PARN: variants seen among roughly 807,000 people sequenced by gnomAD.
PARN encodes poly(A)-specific ribonuclease, also known as poly(A)-specific ribonuclease PARN.
In PARN, 71 loss-of-function variants were observed where a neutral mutation model predicts 102.8. The observed-to-expected ratio is 0.69, with a 90% CI of 0.57 to 0.84. The LOEUF is 0.84. Ranked by LOEUF, PARN falls within the 40% of genes least tolerant of loss-of-function variation. PARN has a pLI of 0.00. For synonymous variants in PARN, 261 were observed against 252.9 expected (o/e 1.03, Z -0.30); for missense variants, 782 against 760.9 (o/e 1.03, Z -0.33).
intron 5 of PARN, among the ~76,000 whole-genome samples, chr16:14,618,061 C>T (rs1208175504): frequency 1.3e-5 from 2 of 152,134 alleles, no homozygotes; most frequent in African/African-American, 4.8e-5. Context: ...GTGGCTCATG[C>T]CTGTAATCCC....
intron 21 of PARN, among the ~76,000 whole-genome samples, chr16:14,537,297 T>G (rs914605351): frequency 6.6e-6 from 1 of 152,126 alleles, no homozygotes; most frequent in Admixed American, 6.5e-5. Context: ...TAACACAGAC[T>G]GGCGATGATG....
chr16:14,522,796 T>C (rs922733157), intron 21 of PARN, among the ~76,000 whole-genome samples: 3 of 152,164 alleles, frequency 2.0e-5, no homozygotes, highest in Non-Finnish European at 4.4e-5. Context: ...CAAAGCTCCC[T>C]GTCCATGGCC....
chr16:14,549,395 C>G (rs1967157156), intron 21 of PARN, among the ~76,000 whole-genome samples: 1 of 152,090 alleles, frequency 6.6e-6, no homozygotes, highest in Non-Finnish European at 1.5e-5. Flanking sequence ...GACTCAGGGC[C>G]AAACAAGAGG....
chr16:14,614,241 G>C (rs1275087788), intron 6 of PARN, among the ~76,000 whole-genome samples: 1 of 151,058 alleles, frequency 6.6e-6, no homozygotes, highest in African/African-American at 2.4e-5. Context: ...TGGTGACAAA[G>C]CAACATCTTG....
At chr16:14,510,722 G>A (rs755913726) in intron 21 of PARN, among the ~76,000 whole-genome samples, 3 of 152,058 alleles carry the variant, frequency 2.0e-5, no homozygotes, top group Admixed American at 1.3e-4. Flanking sequence ...TCCAGTCCTC[G>A]GCTGCCAACA....
intron 18 of PARN, among the ~76,000 whole-genome samples, chr16:14,560,132 C>T (rs894974087): frequency 1.4e-4 from 22 of 152,218 alleles, no homozygotes; most frequent in South Asian, 6.2e-4. Flanking sequence ...AAATACTTCA[C>T]ATATGCCTCA....
At chr16:14,494,325 G>A (rs563199087) in intron 21 of PARN, among the ~76,000 whole-genome samples, 1 of 152,348 alleles carries the variant, frequency 6.6e-6, no homozygotes, top group South Asian at 2.1e-4. Flanking sequence ...ACAAAGCCCA[G>A]TACTCAAGGA....
rs1161627918 is a variant in PARN at position 14,606,477 on chromosome 16, G to C, written c.702+7C>G. The C allele has an allele frequency of 1.3e-6, 2 of 1,537,014 alleles. No individual in the cohort carries two copies. The highest frequency in any genetic ancestry group is 1.8e-6 in the Non-Finnish European group (2 of 1,118,530). ...TAATGTTAGCCCTAGATAATTCTTG[G>C]GGTTACCTTTTCAGTTTCTAAAGTC... On this transcript the variant is annotated splice_region_variant and intron_variant, in intron 10 of 23. Coordinates refer to ENST00000437198, the MANE Select transcript of PARN (RefSeq NM_002582.4).
chr16:14,544,022 G>A lies in PARN; in HGVS notation c.1480+7999C>T, dbSNP rs919279690. ...CCAGCCTGACCAAGATGGAGAAACC[G>A]TCTCTACTAAAAATACAAAATTAGC... On this transcript the variant is annotated intron_variant, in intron 21 of 23. Coordinates refer to ENST00000437198, the MANE Select transcript of PARN (RefSeq NM_002582.4). 4.1e-4 allele frequency among the ~76,000 whole-genome samples: 62 copies of A among 152,070 alleles called. 1 individual carries two copies. The highest frequency in any genetic ancestry group is 2.8e-3 in the Admixed American group (43 of 15,264).
intron 20 of PARN, among the ~76,000 whole-genome samples, chr16:14,553,019 CTTATT>C (rs1390083692): frequency 2.0e-5 from 3 of 151,824 alleles, no homozygotes; most frequent in Admixed American, 1.3e-4. Flanking sequence ...TTCGTTCTGA[CTTATT>C]TTAAATATTT....
chr16:14,539,168 A>G (rs1056223704), intron 21 of PARN, among the ~76,000 whole-genome samples: 2 of 152,222 alleles, frequency 1.3e-5, no homozygotes, highest in Non-Finnish European at 2.9e-5. Context: ...CTCTGTGGAA[A>G]AACTGTCTTT....
chr16:14,606,409 G>GAA, intron 10 of PARN, 75 bp downstream of exon 10: 26 of 611,452 alleles, frequency 4.3e-5, no homozygotes, highest in Admixed American at 8.1e-5. Flanking sequence ...AAAAAAAAAA[G>GAA]AAAAAAAAAA....
At chr16:14,537,740 G>A (rs1596609957) in intron 21 of PARN, among the ~76,000 whole-genome samples, 1 of 152,190 alleles carries the variant, frequency 6.6e-6, no homozygotes, top group Admixed American at 6.5e-5. Context: ...TTGAGCTCAA[G>A]TAGAGAGTAT....
In PARN at chr16:14,446,833, C is replaced by A. The variant is rs114989923; in HGVS notation, c.1864+55G>T. The A allele has an allele frequency of 1.8e-3, 2,335 of 1,304,450 alleles. 27 individuals carry two copies. In the African/African-American group the frequency reaches 0.023, roughly 13 times the overall value. The allele number at this position is 1,304,450 out of a possible 1,614,324, so 80.8% of individuals were successfully genotyped here. ...AATTTCTCCCCCAAAATAGGAGTTT[C>A]TAGAGCATTTAAATAGTCCACGGCC... On this transcript the variant is annotated intron_variant, in intron 23 of 23. Coordinates refer to ENST00000437198, the MANE Select transcript of PARN (RefSeq NM_002582.4).
chr16:14,565,956 G>A (rs560877946), intron 18 of PARN, among the ~76,000 whole-genome samples: 1 of 152,180 alleles, frequency 6.6e-6, no homozygotes, highest in African/African-American at 2.4e-5. Context: ...AAATTTCTTA[G>A]AGTATACTGC....
chr16:14,445,658 G>A (rs1213365413), intron 23 of PARN, among the ~76,000 whole-genome samples: 1 of 152,190 alleles, frequency 6.6e-6, no homozygotes, highest in East Asian at 1.9e-4. Context: ...ACCTCCCTGG[G>A]CTGAGGCAGT....
chr16:14,580,894 G>A lies in PARN; in HGVS notation c.1242C>T (p.Leu414=), dbSNP rs773361276. ...CTTACTTGTTAAAAAAAGGTTCAATGAGTTTTGATCTGGCAGACACATGAA... is the reference window on the plus strand; with the variant it reads ...CTTACTTGTTAAAAAAAGGTTCAATAAGTTTTGATCTGGCAGACACATGAA... ...PKIHVSARSK[L]IEPFFNKLFL... is the part of the protein sequence containing the mutation. The change falls in exon 18 of 24, where the codon CTC becomes CTT. Residue 414 remains leucine, a synonymous_variant. Transcript: ENST00000437198. 24 of 1,607,456 alleles carry A rather than the reference G, an allele frequency of 1.5e-5. No individual in the cohort carries two copies. The highest frequency in any genetic ancestry group is 1.8e-5 in the Non-Finnish European group (21 of 1,174,400).
intron 22 of PARN, among the ~76,000 whole-genome samples, chr16:14,456,961 G>C (rs117436824): frequency 0.015 from 2,332 of 152,122 alleles, 24 homozygotes; most frequent in Non-Finnish European, 0.026. Context: ...TCTGTCACTA[G>C]AATGTACGTT....
chr16:14,524,074 T>A (rs551859446), intron 21 of PARN, among the ~76,000 whole-genome samples: 39 of 152,300 alleles, frequency 2.6e-4, no homozygotes, highest in African/African-American at 7.7e-4. Flanking sequence ...GGGGCCACTG[T>A]AGTATACGCA....
Sources: allele counts gnomAD v4.1 joint callset (sites outside exome capture counted in the v4.1 genomes callset), GRCh38; gene constraint gnomAD v4.1.1; transcripts MANE v1.5; gene names NCBI Gene and HGNC (gene_info 2026-07-23, HGNC 2026-07-21).